KSR2: variants seen among roughly 807,000 people sequenced by gnomAD.
The protein encoded by KSR2 is kinase suppressor of ras 2.
Under a neutral mutation model 107.8 loss-of-function variants are expected in KSR2, and 25 were observed. The ratio of observed to expected loss-of-function variants is 0.23; its 90% confidence interval spans 0.17 to 0.32. The LOEUF (loss-of-function observed/expected upper bound fraction) is 0.32. KSR2 is among the 10% of genes least tolerant of loss of function. KSR2 has a pLI of 1.00. For synonymous variants in KSR2, 480 were observed against 507.0 expected, an observed-to-expected ratio of 0.95 and a Z score of 0.71; for missense variants, 887 against 1,268.9, an observed-to-expected ratio of 0.70 and a Z score of 4.57.
At chr12:117,672,178 A>G (rs1384764020) in intron 4 of KSR2, among the ~76,000 whole-genome samples, 1 of 152,212 alleles carries the variant, frequency 6.6e-6, no homozygotes, top group Non-Finnish European at 1.5e-5. Context: ...ATTTCATCCC[A>G]CGCAAATGCT....
intron 3 of KSR2, among the ~76,000 whole-genome samples, chr12:117,834,239 T>A (rs935776763): frequency 1.3e-5 from 2 of 151,736 alleles, no homozygotes; most frequent in African/African-American, 4.8e-5. Context: ...GAGTTTCAGG[T>A]AAATTCTGCT....
At chr12:117,818,550 G>A (rs1249756613) in intron 3 of KSR2, among the ~76,000 whole-genome samples, 1 of 152,192 alleles carries the variant, frequency 6.6e-6, no homozygotes, top group African/African-American at 2.4e-5. Flanking sequence ...ATTGTGGCTG[G>A]GAGAACGCAG....
chr12:117,540,312 C>T (rs1463029257), intron 9 of KSR2, among the ~76,000 whole-genome samples: 1 of 152,124 alleles, frequency 6.6e-6, no homozygotes, highest in Non-Finnish European at 1.5e-5. Context: ...GAGCCTTCAG[C>T]ATCTTAGCTT....
intron 3 of KSR2, among the ~76,000 whole-genome samples, chr12:117,770,375 G>A (rs1436275172): frequency 2.6e-5 from 4 of 152,116 alleles, no homozygotes; most frequent in East Asian, 1.9e-4. Context: ...CCAGCCACCC[G>A]CTGAAGCCGT....
At chr12:117,724,262 C>T (rs180947336) in intron 4 of KSR2, among the ~76,000 whole-genome samples, 10 of 147,488 alleles carry the variant, frequency 6.8e-5, no homozygotes, top group East Asian at 2.0e-4. Flanking sequence ...GAGCTGAGAT[C>T]GTGCCATTGC....
intron 14 of KSR2, among the ~76,000 whole-genome samples, chr12:117,489,669 G>A (rs941737345): frequency 2.6e-5 from 4 of 152,042 alleles, no homozygotes; most frequent in African/African-American, 9.7e-5. Context: ...CTTTTCTAAA[G>A]TCTTTACCCA....
At chr12:117,506,727 G>A (rs1461024045) in intron 14 of KSR2, among the ~76,000 whole-genome samples, 1 of 152,164 alleles carries the variant, frequency 6.6e-6, no homozygotes, top group Non-Finnish European at 1.5e-5. Context: ...ATTTGGTTTG[G>A]CATGGCTTAT....
In KSR2 at chr12:117,968,305, A is replaced by G. The variant is rs1057321545; in HGVS notation, c.-50T>C. 97 of 1,112,130 alleles carry G rather than the reference A, an allele frequency of 8.7e-5. No individual in the cohort carries two copies. Among genetic ancestry groups the G allele is most frequent in the Middle Eastern group, 3.6e-4 (1 of 2,812 alleles). 68.9% of individuals were successfully genotyped at this position (1,112,130 alleles called of 1,614,324 possible). A position where few individuals can be genotyped will look rare whatever the true frequency, so the allele number is the denominator to read the frequency against. On this transcript the variant is annotated 5_prime_UTR_variant, in exon 1 of 20. Transcript: ENST00000339824. ...CTCCTCCTCCTCCCAGAGAGAAAAA[A>G]GAGGGGGGGGAGTAGAGGTAGTCTA...
intron 7 of KSR2, among the ~76,000 whole-genome samples, chr12:117,570,105 C>A (rs1375463290): frequency 6.6e-6 from 1 of 151,998 alleles, no homozygotes; most frequent in Non-Finnish European, 1.5e-5. Flanking sequence ...CAGGTTCACG[C>A]CATTCTCCTG....
At chr12:117,960,686 T>C (rs1030525510) in intron 1 of KSR2, among the ~76,000 whole-genome samples, 1 of 152,222 alleles carries the variant, frequency 6.6e-6, no homozygotes, top group Non-Finnish European at 1.5e-5. Flanking sequence ...GATGATTGTT[T>C]TAAGCTACTA....
At chr12:117,884,337 C>T (rs887984391) in intron 1 of KSR2, among the ~76,000 whole-genome samples, 15 of 152,148 alleles carry the variant, frequency 9.9e-5, no homozygotes, top group Admixed American at 3.9e-4. Flanking sequence ...GAGAATGAGA[C>T]CTTGCCAGCT....
chr12:117,661,847 G>C (rs1231165970), intron 5 of KSR2, among the ~76,000 whole-genome samples: 1 of 152,238 alleles, frequency 6.6e-6, no homozygotes, highest in Non-Finnish European at 1.5e-5. Flanking sequence ...GGCAGAAGGA[G>C]TTAAGCTGGT....
intron 3 of KSR2, among the ~76,000 whole-genome samples, chr12:117,819,379 G>A (rs1156482): frequency 1.3e-5 from 2 of 152,048 alleles, no homozygotes; most frequent in East Asian, 3.9e-4. Flanking sequence ...AGAGGGCGTC[G>A]TAGGTGCCTC....
At chr12:117,738,790 G>T (rs752871881) in intron 4 of KSR2, among the ~76,000 whole-genome samples, 1 of 152,166 alleles carries the variant, frequency 6.6e-6, no homozygotes, top group African/African-American at 2.4e-5. Flanking sequence ...CAGGAGAATC[G>T]CTTGAACCCA....
intron 1 of KSR2, among the ~76,000 whole-genome samples, chr12:117,960,593 T>G (rs1896632518): frequency 1.3e-5 from 2 of 152,110 alleles, no homozygotes; most frequent in Non-Finnish European, 1.5e-5. Context: ...AGCCATCAGA[T>G]AAACACAACC....
At chr12:117,819,110 G>A (rs1296016109) in intron 3 of KSR2, among the ~76,000 whole-genome samples, 1 of 151,916 alleles carries the variant, frequency 6.6e-6, no homozygotes, top group African/African-American at 2.4e-5. Flanking sequence ...ATGAGATCAG[G>A]GGCTAGGTCT....
chr12:117,950,710 T>C (rs1311348856), intron 1 of KSR2, among the ~76,000 whole-genome samples: 1 of 147,614 alleles, frequency 6.8e-6, no homozygotes, highest in Non-Finnish European at 1.5e-5. Context: ...CACTGCATCC[T>C]AGCCTGGGTG....
intron 5 of KSR2, among the ~76,000 whole-genome samples, chr12:117,632,565 T>C (rs552674155): frequency 1.3e-5 from 2 of 152,150 alleles, no homozygotes; most frequent in East Asian, 1.9e-4. Flanking sequence ...GGTTCAGGGG[T>C]ACATGTGCAG....
At chr12:117,742,082 G>A (rs940441943) in intron 4 of KSR2, among the ~76,000 whole-genome samples, 5 of 152,138 alleles carry the variant, frequency 3.3e-5, no homozygotes, top group African/African-American at 9.7e-5. Flanking sequence ...ACACCACTTC[G>A]CTTCTATAGC....
Sources: allele counts gnomAD v4.1 joint callset (sites outside exome capture counted in the v4.1 genomes callset), GRCh38; gene constraint gnomAD v4.1.1; transcripts MANE v1.5; gene names NCBI Gene and HGNC (gene_info 2026-07-23, HGNC 2026-07-21).